Variants in ROCK1 observed in about 807,000 individuals in gnomAD.
ROCK1 encodes the protein Rho associated coiled-coil containing protein kinase 1.
In ROCK1, 36 loss-of-function variants were observed where a neutral mutation model predicts 196.8. The observed-to-expected ratio is 0.18, with a 90% CI of 0.14 to 0.24. ROCK1 has a LOEUF of 0.24. Ranked by LOEUF, ROCK1 falls within the 10% of genes least tolerant of loss-of-function variation. The pLI is 1.00. For synonymous variants in ROCK1, 443 were observed against 515.9 expected (o/e 0.86, Z 1.91); for missense variants, 920 against 1,562.0 (o/e 0.59, Z 6.93).
chr18:20,987,106 C>G lies in ROCK1; in HGVS notation c.2148G>C (p.Met716Ile). The G allele has an allele frequency of 6.2e-7, 1 of 1,610,364 alleles. No homozygotes were observed. The highest frequency in any genetic ancestry group is 8.5e-7 in the Non-Finnish European group (1 of 1,179,214). The change falls in exon 19 of 33, where the codon ATG becomes ATC. Residue 716 changes from methionine (M) to isoleucine (I), a missense_variant. Physicochemically the swap from Met to Ile is conservative, Grantham distance 10. Transcript: ENST00000399799. Reference sequence around the variant, plus strand: ...CTCTTTCTTCTTTCAGCTTTTTTTCCATCTCTGGGAAAGCAAAAAGTTACA... The same window carrying G: ...CTCTTTCTTCTTTCAGCTTTTTTTCGATCTCTGGGAAAGCAAAAAGTTACA... ...EEAKSVAMCEMEKKLKEEREA... is the reference protein window; with the variant it reads ...EEAKSVAMCEIEKKLKEEREA...
At chr18:21,027,750 ATTTTTTTT>A (rs751964514) in intron 10 of ROCK1, among the ~76,000 whole-genome samples, 1 of 95,288 alleles carries the variant, frequency 1.0e-5, no homozygotes, top group African/African-American at 5.5e-5. Flanking sequence ...GAATCACTTA[ATTTTTTTT>A]TTTTTTTTTT....
chr18:21,003,642 T>C (rs529311190), intron 16 of ROCK1, among the ~76,000 whole-genome samples: 1 of 151,950 alleles, frequency 6.6e-6, no homozygotes, highest in Non-Finnish European at 1.5e-5. Context: ...GAGGTGGAGG[T>C]ACAAAATGAA....
chr18:20,967,047 A>G lies in ROCK1; in HGVS notation c.3222T>C (p.Asn1074=). The change falls in exon 27 of 33, where the codon AAT becomes AAC. Residue 1074 remains asparagine, a synonymous_variant. Transcript: ENST00000399799. ...TGCTGGCCAACTGCATCTGAAGCTC[A>G]TTCCTATGTGCACATTCTTCTACCA... ...AQLVEECAHR[N]ELQMQLASKE... 1 of 1,613,028 alleles carries G rather than the reference A, an allele frequency of 6.2e-7. No homozygotes were observed. Among genetic ancestry groups the G allele is most frequent in the Non-Finnish European group, 8.5e-7 (1 of 1,179,116 alleles).
intron 9 of ROCK1, among the ~76,000 whole-genome samples, chr18:21,031,878 C>T (rs1441160589): frequency 6.6e-6 from 1 of 151,700 alleles, no homozygotes; most frequent in Middle Eastern, 3.4e-3. Flanking sequence ...TCTGAACAGG[C>T]AGAGGAAAAA....
intron 17 of ROCK1, among the ~76,000 whole-genome samples, chr18:20,992,615 T>C (rs1433220112): frequency 1.3e-5 from 2 of 152,166 alleles, no homozygotes; most frequent in East Asian, 3.8e-4. Flanking sequence ...ACATGAAACA[T>C]CTAATGCTCT....
chr18:21,042,464 A>C (rs2036115380), intron 7 of ROCK1, 101 bp downstream of exon 7: 1 of 1,300,030 alleles, frequency 7.7e-7, no homozygotes, highest in African/African-American at 1.5e-5. Context: ...CCACAAATAA[A>C]ATCAAGATTG....
intron 18 of ROCK1, among the ~76,000 whole-genome samples, chr18:20,989,185 AGAT>A (rs2035601809): frequency 6.6e-6 from 1 of 152,226 alleles, no homozygotes; most frequent in Non-Finnish European, 1.5e-5. Flanking sequence ...ACTCTTGGCA[AGAT>A]GATGATGTGA....
intron 1 of ROCK1, among the ~76,000 whole-genome samples, chr18:21,104,675 T>C (rs1469499604): frequency 1.3e-5 from 2 of 152,192 alleles, no homozygotes; most frequent in African/African-American, 4.8e-5. Context: ...AGGGTGCCTG[T>C]AGTGCAAGAG....
At chr18:20,987,249 A>T in intron 18 of ROCK1, 139 bp from the exon 19 acceptor site, 1 of 683,998 alleles carries the variant, frequency 1.5e-6, no homozygotes. Context: ...TAATTATAGA[A>T]ATTCTCACAT....
At chr18:20,972,067 G>A (rs1321631125) in intron 22 of ROCK1, among the ~76,000 whole-genome samples, 1 of 152,088 alleles carries the variant, frequency 6.6e-6, no homozygotes, top group Non-Finnish European at 1.5e-5. Context: ...GCAGAAGCTG[G>A]GATACCAGTT....
Position 20,947,891 on chromosome 18 carries a change from C to G in ROCK1, c.*3493G>C, listed in dbSNP as rs888165032. 6.6e-6 allele frequency: 1 copy of G among 151,924 alleles called. No homozygotes were observed. Among genetic ancestry groups the G allele is most frequent in the Admixed American group, 6.6e-5 (1 of 15,246 alleles). The allele number at this position is 151,924 out of a possible 1,614,324, so 9.4% of individuals were successfully genotyped here. A position where few individuals can be genotyped will look rare whatever the true frequency, so the allele number is the denominator to read the frequency against. On this transcript the variant is annotated 3_prime_UTR_variant, in exon 33 of 33. Transcript: ENST00000399799. ...GGGAGGCCAAGGTGGGTGTGGATCACCTGAGGTCAGGAGTTCAAGACCAGG... is the reference window on the plus strand; with the variant it reads ...GGGAGGCCAAGGTGGGTGTGGATCAGCTGAGGTCAGGAGTTCAAGACCAGG...
At chr18:21,094,015 A>G (rs547705711) in intron 1 of ROCK1, among the ~76,000 whole-genome samples, 1 of 152,230 alleles carries the variant, frequency 6.6e-6, no homozygotes, top group African/African-American at 2.4e-5. Flanking sequence ...AAATGTAACT[A>G]ATGAATCTTT....
Position 21,007,298 on chromosome 18 carries a change from G to A in ROCK1, c.1547-508C>T, listed in dbSNP as rs1241916987. 2.0e-5 allele frequency among the ~76,000 whole-genome samples: 3 copies of A among 152,008 alleles called. No individual in the cohort carries two copies. The East Asian group carries it at 5.8e-4, about 29-fold the overall frequency. On this transcript the variant is annotated intron_variant, in intron 14 of 32. Coordinates refer to ENST00000399799, the MANE Select transcript of ROCK1 (RefSeq NM_005406.3). ...ACAAGTACTCTTGTTTTAAACACAA[G>A]CAATCCGTTTCTGTCACTTAAAGAT... is the stretch of plus-strand genomic sequence containing the variant.
chr18:21,086,412 T>C (rs1395703550), intron 1 of ROCK1, among the ~76,000 whole-genome samples: 1 of 152,130 alleles, frequency 6.6e-6, no homozygotes, highest in Non-Finnish European at 1.5e-5. Context: ...GCGCCCAGCC[T>C]GAAAATAATT....
intron 12 of ROCK1, among the ~76,000 whole-genome samples, chr18:21,017,189 T>TC (rs1223751015): frequency 7.0e-6 from 1 of 143,820 alleles, no homozygotes; most frequent in Non-Finnish European, 1.5e-5. Context: ...CACACTTCTT[T>TC]TTTTTTTTTT....
chr18:21,022,078 A>G (rs2035917739), intron 11 of ROCK1, among the ~76,000 whole-genome samples: 1 of 152,152 alleles, frequency 6.6e-6, no homozygotes, highest in Non-Finnish European at 1.5e-5. Context: ...AAGAATCATT[A>G]TCAGCTTTTT....
At position 20,992,948 on chromosome 18, in the gene ROCK1, A is replaced by C; in HGVS notation, c.1886-11T>G. ...AAGATGTAATTCGAGCTATCAAGTG[A>C]GAAAAAAGTTCAAGTCTGTAGTCAT... On this transcript the variant is annotated splice_polypyrimidine_tract_variant and intron_variant, in intron 16 of 32. Coordinates refer to ENST00000399799, the MANE Select transcript of ROCK1 (RefSeq NM_005406.3). 6 of 1,557,510 alleles carry C rather than the reference A, an allele frequency of 3.9e-6. No individual in the cohort carries two copies. The highest frequency in any genetic ancestry group is 4.4e-6 in the Non-Finnish European group (5 of 1,130,446).
Position 20,959,104 on chromosome 18 carries a change from T to A in ROCK1, c.3512+736A>T, listed in dbSNP as rs866808219. 4.9e-3 allele frequency among the ~76,000 whole-genome samples: 91 copies of A among 18,756 alleles called. 3 individuals carry two copies. The highest frequency in any genetic ancestry group is 0.019 in the African/African-American group (79 of 4,112). 12.3% of individuals were successfully genotyped at this position (18,756 alleles called of 152,430 possible). A position where few individuals can be genotyped will look rare whatever the true frequency, so the allele number is the denominator to read the frequency against. Reference sequence around the variant, plus strand: ...TATATATTTTATATAATATATATATTATATATATATTATATAATATATATA... The same window carrying A: ...TATATATTTTATATAATATATATATAATATATATATTATATAATATATATA... On this transcript the variant is annotated intron_variant, in intron 29 of 32. Coordinates refer to ENST00000399799, the MANE Select transcript of ROCK1 (RefSeq NM_005406.3).
At chr18:20,958,496 AT>A (rs1339213033) in intron 29 of ROCK1, among the ~76,000 whole-genome samples, 1 of 152,114 alleles carries the variant, frequency 6.6e-6, no homozygotes, top group African/African-American at 2.4e-5. Flanking sequence ...ATAAGCAGCA[AT>A]AATTAAGAAA....
Sources: gnomAD v4.1 joint callset for allele counts (sites outside exome capture counted in the v4.1 genomes callset) on GRCh38, gnomAD v4.1.1 for gene constraint, MANE v1.5 for transcripts, NCBI Gene and HGNC (gene_info 2026-07-23, HGNC 2026-07-21) for gene names.